PHACTR3: variants seen among roughly 807,000 people sequenced by gnomAD.
PHACTR3 encodes protein phosphatase 1, regulatory subunit 123.
A neutral mutation model predicts 66.8 loss-of-function variants in PHACTR3; 16 were observed. The observed-to-expected ratio is 0.24, with a 90% CI of 0.16 to 0.36. The LOEUF (loss-of-function observed/expected upper bound fraction) is 0.36. PHACTR3 is among the 10% of genes least tolerant of loss of function. The pLI, the probability that PHACTR3 is intolerant of heterozygous loss-of-function variation, is 1.00. For synonymous variants in PHACTR3, 323 were observed against 292.1 expected (o/e 1.11, Z -1.08); for missense variants, 647 against 719.9 (o/e 0.90, Z 1.16).
At chr20:59,677,400 A>G (rs2036486894) in intron 1 of PHACTR3, among the ~76,000 whole-genome samples, 1 of 152,170 alleles carries the variant, frequency 6.6e-6, no homozygotes, top group African/African-American at 2.4e-5. Flanking sequence ...GTGGTTTTAC[A>G]TTTGGTATCA....
chr20:59,785,222 T>G (rs955049633), intron 7 of PHACTR3, among the ~76,000 whole-genome samples: 1 of 152,174 alleles, frequency 6.6e-6, no homozygotes, highest in Non-Finnish European at 1.5e-5. Flanking sequence ...GTGAGGCCTC[T>G]CTCTGTGTCT....
chr20:59,599,262 C>T (rs1349146848), intron 1 of PHACTR3, among the ~76,000 whole-genome samples: 4 of 152,196 alleles, frequency 2.6e-5, no homozygotes, highest in African/African-American at 7.2e-5. Context: ...TGGGAGACTA[C>T]GACCTCCCAG....
At chr20:59,747,647 C>A in intron 2 of PHACTR3, 111 bp from the exon 3 acceptor site, 1 of 1,278,112 alleles carries the variant, frequency 7.8e-7, no homozygotes. Flanking sequence ...GAGGCGCCTG[C>A]TAGCTCAGTG....
chr20:59,701,682 A>G (rs1449695464), intron 1 of PHACTR3, among the ~76,000 whole-genome samples: 1 of 152,184 alleles, frequency 6.6e-6, no homozygotes, highest in Non-Finnish European at 1.5e-5. Context: ...AACGTGTTGC[A>G]TTGTGTGCAC....
At chr20:59,614,226 C>T (rs1311398084) in intron 1 of PHACTR3, among the ~76,000 whole-genome samples, 1 of 152,232 alleles carries the variant, frequency 6.6e-6, no homozygotes, top group African/African-American at 2.4e-5. Context: ...ATGTGTGTTT[C>T]ACCCCCATTC....
chr20:59,791,571 G>A (rs1428641562), intron 7 of PHACTR3, among the ~76,000 whole-genome samples: 1 of 151,946 alleles, frequency 6.6e-6, no homozygotes, highest in African/African-American at 2.4e-5. Flanking sequence ...CTCTGGAGAA[G>A]CATGTGAGCA....
At chr20:59,584,342 C>T (rs756704595) in intron 1 of PHACTR3, among the ~76,000 whole-genome samples, 2 of 148,810 alleles carry the variant, frequency 1.3e-5, no homozygotes, top group Non-Finnish European at 3.0e-5. Flanking sequence ...GTGATGAGTG[C>T]ATGTGCCTGT....
At chr20:59,611,800 C>T (rs996321421) in intron 1 of PHACTR3, among the ~76,000 whole-genome samples, 4 of 152,268 alleles carry the variant, frequency 2.6e-5, no homozygotes, top group African/African-American at 4.8e-5. Flanking sequence ...TAGGGTCCCC[C>T]ACCTTCACAA....
At chr20:59,770,621 G>T (rs1190459324) in intron 5 of PHACTR3, among the ~76,000 whole-genome samples, 1 of 152,218 alleles carries the variant, frequency 6.6e-6, no homozygotes, top group African/African-American at 2.4e-5. Context: ...CTTGCTTCCT[G>T]GTTCATAGGC....
chr20:59,726,679 C>T (rs2038573153), intron 1 of PHACTR3, among the ~76,000 whole-genome samples: 1 of 152,116 alleles, frequency 6.6e-6, no homozygotes, highest in African/African-American at 2.4e-5. Flanking sequence ...GGGTACGATT[C>T]ATGTGTGCCA....
intron 1 of PHACTR3, among the ~76,000 whole-genome samples, chr20:59,647,453 C>T (rs2035318314): frequency 6.6e-6 from 1 of 152,030 alleles, no homozygotes; most frequent in South Asian, 2.1e-4. Context: ...GGTGGAAGGC[C>T]CCCTGAGGTT....
At chr20:59,634,530 T>C (rs2034779727) in intron 1 of PHACTR3, among the ~76,000 whole-genome samples, 1 of 152,204 alleles carries the variant, frequency 6.6e-6, no homozygotes, top group Admixed American at 6.5e-5. Context: ...GGCCTGCTGC[T>C]CCTTTGTTGA....
At chr20:59,602,771 G>C (rs967748004), upstream of PHACTR3, among the ~76,000 whole-genome samples, 2 of 152,198 alleles carry the variant, frequency 1.3e-5, no homozygotes, top group African/African-American at 2.4e-5. Flanking sequence ...AGGGGCCCAA[G>C]GCATGGTTGG....
intron 7 of PHACTR3, among the ~76,000 whole-genome samples, chr20:59,782,647 A>G (rs2040762574): frequency 1.3e-5 from 2 of 152,196 alleles, no homozygotes. Context: ...ACGCAAAAGG[A>G]GTTTTCCCTC....
At chr20:59,646,886 A>G (rs971832379) in intron 1 of PHACTR3, among the ~76,000 whole-genome samples, 3 of 152,212 alleles carry the variant, frequency 2.0e-5, no homozygotes, top group Non-Finnish European at 2.9e-5. Flanking sequence ...TTCCCAGTGG[A>G]GCACAAAGAT....
chr20:59,648,079 C>A (rs1307413011), intron 1 of PHACTR3, among the ~76,000 whole-genome samples: 2 of 152,188 alleles, frequency 1.3e-5, no homozygotes, highest in African/African-American at 2.4e-5. Context: ...GTTGAGAAAC[C>A]TACCCAGACT....
intron 1 of PHACTR3, among the ~76,000 whole-genome samples, chr20:59,735,655 C>T (rs1420637086): frequency 1.3e-5 from 2 of 152,130 alleles, no homozygotes; most frequent in Non-Finnish European, 2.9e-5. Context: ...CCCTGCACTC[C>T]GGATTCACAG....
intron 1 of PHACTR3, among the ~76,000 whole-genome samples, chr20:59,670,091 T>C (rs1344303197): frequency 6.6e-6 from 1 of 152,236 alleles, no homozygotes; most frequent in East Asian, 1.9e-4. Flanking sequence ...ACTCTTGCCA[T>C]CACGGAAGGT....
At chr20:59,670,082 C>G (rs816099) in intron 1 of PHACTR3, among the ~76,000 whole-genome samples, 24,168 of 152,186 alleles carry the variant, frequency 0.16, 2,415 homozygotes, top group African/African-American at 0.25. Context: ...GCAGGTAAGA[C>G]TCTTGCCATC....
Sources: gnomAD v4.1 joint callset for allele counts (sites outside exome capture counted in the v4.1 genomes callset) on GRCh38, gnomAD v4.1.1 for gene constraint, MANE v1.5 for transcripts, NCBI Gene and HGNC (gene_info 2026-07-23, HGNC 2026-07-21) for gene names.